CDH4: variants seen among roughly 807,000 people sequenced by gnomAD.
The protein encoded by CDH4 is cadherin 4.
A neutral mutation model predicts 86.0 loss-of-function variants in CDH4; 33 were observed. The ratio of observed to expected loss-of-function variants is 0.38; its 90% CI spans 0.29 to 0.51. The LOEUF (loss-of-function observed/expected upper bound fraction) is 0.51, where lower values mean the gene tolerates loss of function less well. Among genes scored for constraint, CDH4 ranks in the 20% least tolerant of loss-of-function variants. CDH4 has a pLI of 0.86. For synonymous variants in CDH4, 555 were observed against 549.4 expected (o/e 1.01, Z -0.14); for missense variants, 1,114 against 1,307.4 (o/e 0.85, Z 2.28).
chr20:61,386,017 T>A (rs2084949211), intron 2 of CDH4, among the ~76,000 whole-genome samples: 1 of 152,150 alleles, frequency 6.6e-6, no homozygotes, highest in Non-Finnish European at 1.5e-5. Context: ...CGCTCATGGA[T>A]GTTTCTCCCG....
intron 8 of CDH4, among the ~76,000 whole-genome samples, chr20:61,895,730 C>T (rs922430107): frequency 1.3e-5 from 2 of 152,188 alleles, no homozygotes; most frequent in African/African-American, 4.8e-5. Context: ...ATTTGATGAC[C>T]CCACTTCCCT....
rs542442903 is a variant in CDH4 at position 61,843,313 on chromosome 20, G to A, written c.577-1355G>A. ...AAAATACAAAAAATTAGCCGGGCGCGGTGGCGGGCGCCTGTAGTCCCAGCT... is the reference window on the plus strand; with the variant it reads ...AAAATACAAAAAATTAGCCGGGCGCAGTGGCGGGCGCCTGTAGTCCCAGCT... On this transcript the variant is annotated intron_variant, in intron 4 of 15. Transcript: ENST00000614565. Among the ~76,000 whole-genome samples the A allele has an allele frequency of 5.0e-3, 762 of 151,700 alleles. 5 individuals carry two copies. The highest frequency in any genetic ancestry group is 0.02 in the Middle Eastern group (6 of 294).
chr20:61,623,022 C>T lies in CDH4; in HGVS notation c.170-120541C>T, dbSNP rs1156242565. 6.6e-6 allele frequency among the ~76,000 whole-genome samples: 1 copy of T among 152,170 alleles called. No homozygotes were observed. Among genetic ancestry groups the T allele is most frequent in the Non-Finnish European group, 1.5e-5 (1 of 68,032 alleles). On this transcript the variant is annotated intron_variant, in intron 2 of 15. Transcript: ENST00000614565. This position sits in a 1 kb window ranked among gnomAD's most constrained non-coding sequence, Gnocchi z 4.4. ...GGCCTGTTACCAACATGGACCACAA[C>T]CAGTCATTTAAGACAGTCAGGGAAA...
At chr20:61,712,626 C>A (rs990225946) in intron 2 of CDH4, among the ~76,000 whole-genome samples, 3 of 152,150 alleles carry the variant, frequency 2.0e-5, no homozygotes, top group African/African-American at 4.8e-5. Flanking sequence ...GTGCAAAAAA[C>A]CAATCCTACA....
intron 4 of CDH4, among the ~76,000 whole-genome samples, chr20:61,790,902 C>A (rs1431878706): frequency 6.6e-6 from 1 of 151,856 alleles, no homozygotes; most frequent in Non-Finnish European, 1.5e-5. Flanking sequence ...TACCATCCAT[C>A]CATTGATTTC....
In CDH4 at chr20:61,596,070, G is replaced by A. The variant is rs561917439; in HGVS notation, c.170-147493G>A. On this transcript the variant is annotated intron_variant, in intron 2 of 15. Transcript: ENST00000614565. ...GCTTCTCCATGACAGAGACAGTGCCGGGACCAACTGTCCTCAGAGCATGAG... is the reference window on the plus strand; with the variant it reads ...GCTTCTCCATGACAGAGACAGTGCCAGGACCAACTGTCCTCAGAGCATGAG... Among the ~76,000 whole-genome samples, 15 of 152,338 alleles carry A rather than the reference G, an allele frequency of 9.8e-5. 1 individual carries two copies. In the South Asian group the frequency reaches 1.7e-3, roughly 17 times the overall value.
intron 2 of CDH4, among the ~76,000 whole-genome samples, chr20:61,472,697 G>T (rs2085511810): frequency 6.6e-6 from 1 of 152,132 alleles, no homozygotes; most frequent in African/African-American, 2.4e-5. Context: ...GCATAGTTTT[G>T]ATTTTTGCCA....
At chr20:61,316,306 A>G (rs1461062596) in intron 2 of CDH4, among the ~76,000 whole-genome samples, 1 of 152,254 alleles carries the variant, frequency 6.6e-6, no homozygotes, top group Non-Finnish European at 1.5e-5. Flanking sequence ...ATTTTCTGGA[A>G]CATCGGAGAT....
rs1419540445 is a variant in CDH4 at position 61,623,479 on chromosome 20, C to T, written c.170-120084C>T. ...CACCTTCCAAAGCCTTCAGAAATAC[C>T]ATTACAATGAAAACAATTTCAAGAG... On this transcript the variant is annotated intron_variant, in intron 2 of 15. Transcript: ENST00000614565. This position sits in a 1 kb window ranked among gnomAD's most constrained non-coding sequence, Gnocchi z 4.4. Among the ~76,000 whole-genome samples, 2 of 152,080 alleles carry T rather than the reference C, an allele frequency of 1.3e-5. No homozygotes were observed. The highest frequency in any genetic ancestry group is 1.9e-4 in the East Asian group (1 of 5,180).
rs756273047 is a variant in CDH4, at chr20:61,894,938, A to G, written c.1079A>G (p.Gln360Arg). The G allele has an allele frequency of 2.2e-5, 36 of 1,613,814 alleles. No individual in the cohort carries two copies. In the East Asian group the frequency reaches 8.0e-4, roughly 36 times the overall value. The change falls in exon 8 of 16, where the codon CAG (glutamine) becomes CGG (arginine). Residue 360 changes from glutamine (Q) to arginine (R), a missense_variant. Around this residue, in one of 3 missense-constraint regions of CDH4, gnomAD observed 705 missense variants for 914.1 expected, o/e 0.77. Transcript: ENST00000614565. ...EKVQQYTVIV[Q>R]ATDMEGNLNY... ...GTTCAGCAGTACACAGTCATCGTTC[A>G]GGCCACAGATATGGAAGGAAATCTC...
At chr20:61,816,460 T>C (rs1274636236) in intron 4 of CDH4, among the ~76,000 whole-genome samples, 2 of 152,210 alleles carry the variant, frequency 1.3e-5, no homozygotes, top group Non-Finnish European at 2.9e-5. Flanking sequence ...ATTCTTATAA[T>C]AACTGAGGCT....
chr20:61,653,556 A>T (rs4507168), intron 2 of CDH4, among the ~76,000 whole-genome samples: 45 of 125,942 alleles, frequency 3.6e-4, no homozygotes, highest in Middle Eastern at 4.5e-3. Flanking sequence ...GTGGCTGGCC[A>T]GGCGGGGGCT....
intron 2 of CDH4, among the ~76,000 whole-genome samples, chr20:61,605,459 CTCTG>C (rs758875182): frequency 6.6e-6 from 1 of 151,870 alleles, no homozygotes. Context: ...CTTTCTCTGT[CTCTG>C]TCTCTCTATT....
chr20:61,923,850 G>A (rs2055013593), intron 10 of CDH4, 146 bp downstream of exon 10: 4 of 1,013,614 alleles, frequency 3.9e-6, no homozygotes, highest in Admixed American at 5.1e-5. Flanking sequence ...GTCCTTCCAG[G>A]AGGGAGCCGC....
At chr20:61,373,634 G>A (rs569771349) in intron 2 of CDH4, among the ~76,000 whole-genome samples, 16 of 152,118 alleles carry the variant, frequency 1.1e-4, no homozygotes, top group South Asian at 8.3e-4. Context: ...GGGAATATGC[G>A]TTCCGATGAC....
At position 61,442,993 on chromosome 20, in the gene CDH4, C is replaced by T. The variant is rs140912605; in HGVS notation, c.169+188056C>T. 6.2e-3 allele frequency among the ~76,000 whole-genome samples: 941 copies of T among 152,310 alleles called. 8 individuals carry two copies. The highest frequency in any genetic ancestry group is 8.2e-3 in the Non-Finnish European group (557 of 68,032). ...CACCCCTTCTTCCTTCCTCCACCCC[C>T]AGGTATGTGAATCACAATGTCTTTA... On this transcript the variant is annotated intron_variant, in intron 2 of 15. Coordinates refer to ENST00000614565, the MANE Select transcript of CDH4 (RefSeq NM_001794.5).
At chr20:61,886,294 G>A (rs1482126903) in intron 7 of CDH4, among the ~76,000 whole-genome samples, 20 of 152,210 alleles carry the variant, frequency 1.3e-4, no homozygotes, top group East Asian at 1.9e-4. Context: ...GGGCACGCTC[G>A]ACTCAGGAAG....
intron 6 of CDH4, among the ~76,000 whole-genome samples, chr20:61,862,299 A>G (rs890309539): frequency 6.6e-5 from 10 of 152,064 alleles, no homozygotes; most frequent in African/African-American, 2.2e-4. Context: ...CTGCAGGGAG[A>G]GCCCAGCCTC....
At chr20:61,451,135 C>T (rs1439593382) in intron 2 of CDH4, among the ~76,000 whole-genome samples, 2 of 140,272 alleles carry the variant, frequency 1.4e-5, no homozygotes, top group Non-Finnish European at 3.1e-5. Flanking sequence ...CCCCCCCTTC[C>T]CTCCGTGTCA....
Sources: gnomAD v4.1 joint callset for allele counts (sites outside exome capture counted in the v4.1 genomes callset) on GRCh38, gnomAD v4.1.1 for gene constraint, gnomAD v4.1.1 regional missense constraint, Gnocchi (gnomAD v3.1) non-coding constraint, MANE v1.5 for transcripts, NCBI Gene and HGNC (gene_info 2026-07-23, HGNC 2026-07-21) for gene names.